BAIAP2: variants seen among roughly 807,000 people sequenced by gnomAD.
BAIAP2 encodes BAR/IMD domain-containing adapter protein 2.
Under a neutral mutation model 63.0 loss-of-function variants are expected in BAIAP2, and 18 were observed. The observed-to-expected ratio is 0.29, with a 90% CI of 0.20 to 0.42. The LOEUF (loss-of-function observed/expected upper bound fraction) is 0.42, where lower values mean the gene tolerates loss of function less well. Ranked by LOEUF, BAIAP2 falls within the 10% of genes least tolerant of loss-of-function variation. BAIAP2 has a pLI of 1.00. For synonymous variants in BAIAP2, 386 were observed against 307.6 expected (o/e 1.25, Z -2.67); for missense variants, 610 against 734.3 (o/e 0.83, Z 1.96).
intron 13 of BAIAP2, chr17:81,110,801 A>C: frequency 7.1e-7 from 1 of 1,407,012 alleles, no homozygotes; most frequent in South Asian, 1.2e-5. Context: ...GCCGACTCCG[A>C]GTGCTCCAGG....
At chr17:81,048,951 C>G (rs929435950) in intron 1 of BAIAP2, among the ~76,000 whole-genome samples, 21 of 152,198 alleles carry the variant, frequency 1.4e-4, no homozygotes, top group Admixed American at 1.2e-3. Flanking sequence ...GGGAGCCCCT[C>G]GTGGGCCGGA....
rs111582023 is a variant in BAIAP2, at chr17:81,075,547, C to G, written c.218-9285C>G. On this transcript the variant is annotated intron_variant, in intron 3 of 13. Transcript: ENST00000428708. ...TTCTCGTTCATCTGCTCACTAGACG[C>G]GGCTGTGTCAGAGCAGTGCCTGCCT... Among the ~76,000 whole-genome samples the G allele has an allele frequency of 9.2e-5, 14 of 152,348 alleles. 1 individual carries two copies. The highest frequency in any genetic ancestry group is 3.4e-4 in the African/African-American group (14 of 41,584).
chr17:81,096,336 C>T (rs1025478406), intron 6 of BAIAP2, among the ~76,000 whole-genome samples: 3 of 152,186 alleles, frequency 2.0e-5, no homozygotes, highest in African/African-American at 4.8e-5. Context: ...TGATGGGGTG[C>T]GTTGGGGGTT....
intron 1 of BAIAP2, among the ~76,000 whole-genome samples, chr17:81,037,202 C>T (rs1007317072): frequency 2.6e-5 from 4 of 152,200 alleles, no homozygotes; most frequent in African/African-American, 9.6e-5. Context: ...TTGTCTTCCA[C>T]GGGTGGGTTA....
At chr17:81,105,039 G>A in intron 10 of BAIAP2, 1 of 260,224 alleles carries the variant, frequency 3.8e-6, no homozygotes, top group Non-Finnish European at 7.6e-6. Context: ...CCAATGGCAG[G>A]GGTCTTTCCC....
rs370775327 is a variant in BAIAP2 at position 81,055,574 on chromosome 17, G to GTTTTTTGTTTTTTTTTTGGTTT, written c.130+1837_130+1838insGTTTTTTTTTTGGTTTTTTTTT. Among the ~76,000 whole-genome samples, 278 of 123,412 alleles carry GTTTTTTGTTTTTTTTTTGGTTT rather than the reference G, an allele frequency of 2.3e-3. 2 individuals are homozygous for GTTTTTTGTTTTTTTTTTGGTTT. Among genetic ancestry groups the GTTTTTTGTTTTTTTTTTGGTTT allele is most frequent in the African/African-American group, 7.7e-3 (269 of 34,848 alleles). The allele number at this position is 123,412 out of a possible 152,430, so 81.0% of individuals were successfully genotyped here. ...CCAGCGAAAGTCTGCAGGGTGTTTTGTTTTTTTTTGAGACGGAGTCTCACT... is the reference window on the plus strand; with the variant it reads ...CCAGCGAAAGTCTGCAGGGTGTTTTGTTTTTTGTTTTTTTTTTGGTTTTTTTTTTTTGAGACGGAGTCTCACT... On this transcript the variant is annotated intron_variant, in intron 2 of 13. Coordinates refer to ENST00000428708, the MANE Select transcript of BAIAP2 (RefSeq NM_001144888.2).
chr17:81,101,473 T>C (rs1391508422), intron 7 of BAIAP2, among the ~76,000 whole-genome samples: 1 of 152,040 alleles, frequency 6.6e-6, no homozygotes, highest in Non-Finnish European at 1.5e-5. Flanking sequence ...CCTGGAACAT[T>C]CTGGAACATT....
At chr17:81,059,286 C>T (rs1026311841) in intron 3 of BAIAP2, among the ~76,000 whole-genome samples, 10 of 152,338 alleles carry the variant, frequency 6.6e-5, no homozygotes, top group East Asian at 5.8e-4. Flanking sequence ...CCCGGGCCTC[C>T]GCAGACTCAG....
intron 13 of BAIAP2, among the ~76,000 whole-genome samples, chr17:81,111,856 C>T (rs1048358512): frequency 3.3e-5 from 5 of 152,238 alleles, no homozygotes; most frequent in African/African-American, 9.6e-5. Flanking sequence ...GCTAGGAGGG[C>T]GGCTCTGCAA....
At chr17:81,043,702 G>A (rs907712795) in intron 1 of BAIAP2, among the ~76,000 whole-genome samples, 3 of 152,026 alleles carry the variant, frequency 2.0e-5, no homozygotes, top group Non-Finnish European at 4.4e-5. Context: ...CTTCGTGTGC[G>A]GGTCCTGGGT....
chr17:81,068,461 G>A (rs1262244421), intron 3 of BAIAP2, among the ~76,000 whole-genome samples: 3 of 152,228 alleles, frequency 2.0e-5, no homozygotes, highest in African/African-American at 2.4e-5. Context: ...TCCGGGTCAC[G>A]GGTGTTCTTT....
intron 3 of BAIAP2, among the ~76,000 whole-genome samples, chr17:81,080,122 G>A (rs1385558468): frequency 6.6e-6 from 1 of 152,244 alleles, no homozygotes; most frequent in African/African-American, 2.4e-5. Flanking sequence ...TCTCACTGCT[G>A]ATCTTAGGGT....
At chr17:81,056,863 GCTGTTGCGTTTTTCT>G (rs2049664397) in intron 2 of BAIAP2, among the ~76,000 whole-genome samples, 2 of 151,880 alleles carry the variant, frequency 1.3e-5, no homozygotes. Context: ...GCGTTTTTCT[GCTGTTGCGTTTTTCT>G]GCTGTTGCGT....
chr17:81,112,510 A>G (rs764821203), intron 13 of BAIAP2, among the ~76,000 whole-genome samples: 6 of 152,168 alleles, frequency 3.9e-5, no homozygotes, highest in Non-Finnish European at 7.4e-5. Context: ...CCTTGGAATG[A>G]GAGTGGAGGG....
rs1283617318 is a variant in BAIAP2, at chr17:81,116,412, C to T, written c.*573C>T. The stretch of plus-strand genomic sequence containing the variant: ...GTGGGGCTCTCCTGGGCCCCTCACT[C>T]CCACTGGCAATGTCACAAGGGCCTC... On this transcript the variant is annotated 3_prime_UTR_variant, in exon 14 of 14. Coordinates refer to ENST00000428708, the MANE Select transcript of BAIAP2 (RefSeq NM_001144888.2). 1.7e-5 allele frequency: 25 copies of T among 1,431,124 alleles called. No individual in the cohort carries two copies. 88.7% of individuals were successfully genotyped at this position (1,431,124 alleles called of 1,614,324 possible).
At chr17:81,045,156 T>G (rs967090390) in intron 1 of BAIAP2, among the ~76,000 whole-genome samples, 2 of 152,226 alleles carry the variant, frequency 1.3e-5, no homozygotes, top group African/African-American at 4.8e-5. Context: ...TGTGGACCTC[T>G]GCTCCTTGGG....
chr17:81,112,881 A>G (rs1007150525), intron 13 of BAIAP2, among the ~76,000 whole-genome samples: 1 of 151,844 alleles, frequency 6.6e-6, no homozygotes, highest in East Asian at 1.9e-4. Context: ...GGAGACCCCC[A>G]TCTTGACAAA....
intron 1 of BAIAP2, among the ~76,000 whole-genome samples, chr17:81,038,402 C>T (rs930203865): frequency 6.6e-6 from 1 of 152,254 alleles, no homozygotes; most frequent in Non-Finnish European, 1.5e-5. Context: ...GCGGCTCCAC[C>T]ACCTTCTCTG....
intron 3 of BAIAP2, among the ~76,000 whole-genome samples, chr17:81,064,723 G>A (rs72852963): frequency 9.2e-5 from 14 of 152,318 alleles, no homozygotes; most frequent in Middle Eastern, 3.4e-3. Flanking sequence ...GGCTCTGGCC[G>A]TCTGGCACAC....
Sources: allele counts gnomAD v4.1 joint callset (sites outside exome capture counted in the v4.1 genomes callset), GRCh38; gene constraint gnomAD v4.1.1; transcripts MANE v1.5; gene names NCBI Gene and HGNC (gene_info 2026-07-23, HGNC 2026-07-21).